THSD7A: variants seen among roughly 807,000 people sequenced by gnomAD.
The protein encoded by THSD7A is thrombospondin type-1 domain-containing protein 7A.
Under a neutral mutation model 231.3 loss-of-function variants are expected in THSD7A, and 96 were observed. The observed-to-expected ratio is 0.41, with a 90% confidence interval of 0.35 to 0.49. The LOEUF (loss-of-function observed/expected upper bound fraction) is 0.49. Among genes scored for constraint, THSD7A ranks in the 20% least tolerant of loss-of-function variants. The pLI is 0.05. For missense variants in THSD7A, 2,290 were observed against 2,070.2 expected, an observed-to-expected ratio of 1.11 and a Z score of -2.06; for synonymous variants, 940 against 743.3, an observed-to-expected ratio of 1.26 and a Z score of -4.30.
At chr7:11,394,506 T>C (rs1445175821) in intron 23 of THSD7A, among the ~76,000 whole-genome samples, 1 of 152,186 alleles carries the variant, frequency 6.6e-6, no homozygotes, top group Non-Finnish European at 1.5e-5. Flanking sequence ...CAAAGGCAGC[T>C]GTTCTCTGAC....
At chr7:11,710,993 A>C (rs1335544879) in intron 1 of THSD7A, among the ~76,000 whole-genome samples, 4 of 150,974 alleles carry the variant, frequency 2.6e-5, no homozygotes, top group African/African-American at 9.7e-5. Context: ...GCATCTATTA[A>C]ATAATGTGTC....
At chr7:11,642,033 A>C (rs1782102555) in intron 1 of THSD7A, among the ~76,000 whole-genome samples, 1 of 152,218 alleles carries the variant, frequency 6.6e-6, no homozygotes, top group African/African-American at 2.4e-5. Context: ...AATCCTCTTG[A>C]AAACTGAGAA....
intron 1 of THSD7A, among the ~76,000 whole-genome samples, chr7:11,652,381 G>A (rs1035543477): frequency 7.2e-5 from 11 of 151,866 alleles, no homozygotes; most frequent in African/African-American, 1.9e-4. Context: ...ACACTAAAAC[G>A]CATGACTTAT....
At position 11,814,210 on chromosome 7, in the gene THSD7A, C is replaced by T. The variant is rs1368783767; in HGVS notation, c.190+17547G>A. Among the ~76,000 whole-genome samples the T allele has an allele frequency of 1.3e-5, 2 of 152,012 alleles. No homozygotes were observed. The highest frequency in any genetic ancestry group is 4.8e-5 in the African/African-American group (2 of 41,398). ...CTTGAATTGATTGTGGTAATGGATG[C>T]ACAAGTCTGTGGATATGCTAAAAGC... On this transcript the variant is annotated intron_variant, in intron 1 of 27. Transcript: ENST00000423059. The surrounding 1 kb of genome is among the most constrained non-coding windows in gnomAD (Gnocchi z 5.1).
At chr7:11,667,386 T>C (rs1783181546) in intron 1 of THSD7A, among the ~76,000 whole-genome samples, 1 of 152,188 alleles carries the variant, frequency 6.6e-6, no homozygotes, top group Non-Finnish European at 1.5e-5. Context: ...GTGAAATCAG[T>C]ATTGCCTCAA....
intron 1 of THSD7A, among the ~76,000 whole-genome samples, chr7:11,788,646 G>A (rs1048381969): frequency 4.6e-5 from 7 of 151,964 alleles, no homozygotes; most frequent in African/African-American, 1.4e-4. Context: ...ATGTAGAGAC[G>A]CTTCGGAGTG....
intron 9 of THSD7A, 98 bp from the exon 10 acceptor site, chr7:11,462,241 T>A: frequency 1.5e-6 from 2 of 1,368,936 alleles, no homozygotes; most frequent in Non-Finnish European, 2.0e-6. Flanking sequence ...TCCAGCTACA[T>A]GTGCTTTGAC....
chr7:11,757,862 C>T (rs182218463), intron 1 of THSD7A, among the ~76,000 whole-genome samples: 2 of 151,364 alleles, frequency 1.3e-5, no homozygotes, highest in Admixed American at 1.3e-4. Flanking sequence ...TACTAATGTT[C>T]AGATTCTAGA....
rs146266707 is a variant in THSD7A at position 11,424,043 on chromosome 7, C to T, written c.3383+653G>A. On this transcript the variant is annotated intron_variant, in intron 16 of 27. Transcript: ENST00000423059. ...GTATATGGAGTGTAATAGAACAACCCTGTCCAATGGAACTTTCTGCCATTA... is the reference window on the plus strand; with the variant it reads ...GTATATGGAGTGTAATAGAACAACCTTGTCCAATGGAACTTTCTGCCATTA... Among the ~76,000 whole-genome samples, 147 of 152,274 alleles carry T rather than the reference C, an allele frequency of 9.7e-4. 1 individual carries two copies. In the East Asian group the frequency reaches 0.023, roughly 24 times the overall value.
intron 1 of THSD7A, chr7:11,820,585 T>A: frequency 1.4e-6 from 1 of 719,814 alleles, no homozygotes; most frequent in South Asian, 1.7e-5. Context: ...CCAGAGTAGT[T>A]GCCTCTGTCC....
intron 4 of THSD7A, among the ~76,000 whole-genome samples, chr7:11,548,868 TGACAAAC>T (rs1394631669): frequency 2.7e-5 from 4 of 150,398 alleles, no homozygotes; most frequent in Non-Finnish European, 5.9e-5. Context: ...AAGCCATCTA[TGACAAAC>T]ACACAACCAA....
chr7:11,623,545 C>G (rs1403952471), intron 2 of THSD7A, among the ~76,000 whole-genome samples: 1 of 152,244 alleles, frequency 6.6e-6, no homozygotes, highest in East Asian at 1.9e-4. Context: ...GAAAAGAATG[C>G]TATGCCACAC....
chr7:11,653,527 G>A (rs1782590102), intron 1 of THSD7A, among the ~76,000 whole-genome samples: 1 of 145,444 alleles, frequency 6.9e-6, no homozygotes, highest in Non-Finnish European at 1.5e-5. Context: ...TTGCTATGTT[G>A]CCCAGGCTGT....
intron 13 of THSD7A, among the ~76,000 whole-genome samples, chr7:11,442,447 GATT>G (rs924856224): frequency 3.2e-4 from 48 of 151,988 alleles, no homozygotes; most frequent in Non-Finnish European, 5.4e-4. Flanking sequence ...TTGAATAGGG[GATT>G]ATTGTCATTG....
intron 10 of THSD7A, 105 bp downstream of exon 10, chr7:11,461,906 C>G: frequency 7.2e-7 from 1 of 1,394,328 alleles, no homozygotes. Flanking sequence ...CTCCATTGAG[C>G]CTGTGGAAGG....
At chr7:11,656,717 TATC>T (rs1782722351) in intron 1 of THSD7A, among the ~76,000 whole-genome samples, 2 of 151,820 alleles carry the variant, frequency 1.3e-5, no homozygotes, top group South Asian at 4.1e-4. Context: ...AACATCAACA[TATC>T]ATTGCCCATC....
intron 1 of THSD7A, among the ~76,000 whole-genome samples, chr7:11,741,543 C>A (rs1782115519): frequency 6.6e-6 from 1 of 151,678 alleles, no homozygotes; most frequent in Non-Finnish European, 1.5e-5. Context: ...TCTAATGTTG[C>A]ATTATTTTTA....
intron 6 of THSD7A, among the ~76,000 whole-genome samples, chr7:11,528,039 C>T (rs1464028768): frequency 1.3e-5 from 2 of 152,056 alleles, no homozygotes; most frequent in Non-Finnish European, 2.9e-5. Context: ...TAGTGGTGCA[C>T]ACCTGTTGTC....
At chr7:11,815,174 G>T (rs1433610298) in intron 1 of THSD7A, among the ~76,000 whole-genome samples, 1 of 151,838 alleles carries the variant, frequency 6.6e-6, no homozygotes, top group Non-Finnish European at 1.5e-5. Flanking sequence ...CAAAGGCAAA[G>T]GTTGTCAATC....
Sources: allele counts gnomAD v4.1 joint callset (sites outside exome capture counted in the v4.1 genomes callset), GRCh38; gene constraint gnomAD v4.1.1; non-coding constraint Gnocchi (gnomAD v3.1); transcripts MANE v1.5; gene names NCBI Gene and HGNC (gene_info 2026-07-23, HGNC 2026-07-21).